Variants in ARAP2 observed in about 807,000 individuals in gnomAD.
The protein encoded by ARAP2 is ArfGAP with RhoGAP domain, ankyrin repeat and PH domain 2.
Under a neutral mutation model 194.5 loss-of-function variants are expected in ARAP2, and 148 were observed. That is an observed-to-expected ratio of 0.76 (90% confidence interval 0.67 to 0.87). ARAP2 has a LOEUF of 0.87. Ranked by LOEUF, ARAP2 falls within the 40% of genes least tolerant of loss-of-function variation. The pLI is 0.00. For missense variants in ARAP2, 2,128 were observed against 1,989.7 expected, an observed-to-expected ratio of 1.07 and a Z score of -1.32; for synonymous variants, 695 against 683.5, an observed-to-expected ratio of 1.02 and a Z score of -0.26.
intron 7 of ARAP2, among the ~76,000 whole-genome samples, chr4:36,188,444 G>C (rs1009579790): frequency 6.6e-6 from 1 of 152,032 alleles, no homozygotes; most frequent in East Asian, 1.9e-4. Flanking sequence ...AAGGCTGTGA[G>C]GTATACCTTT....
In ARAP2 at chr4:36,066,486, ATC is replaced by A. The variant is rs1355447943; in HGVS notation, c.*1419_*1420del. The A allele has an allele frequency of 6.6e-6, 1 of 152,110 alleles. No homozygotes were observed. Among genetic ancestry groups the A allele is most frequent in the East Asian group, 1.9e-4 (1 of 5,198 alleles). The allele number at this position is 152,110 out of a possible 1,614,324, so 9.4% of individuals were successfully genotyped here. The stretch of plus-strand genomic sequence containing the variant: ...ATTTTACAATGAAGAAATTCATAGC[ATC>A]TACCACCACATCACTGTACTATGAT... On this transcript the variant is annotated 3_prime_UTR_variant, in exon 33 of 33. Transcript: ENST00000303965.
chr4:36,034,221 A>G (rs1455539792), intron 5 of ARAP2, among the ~76,000 whole-genome samples: 1 of 152,078 alleles, frequency 6.6e-6, no homozygotes, highest in African/African-American at 2.4e-5. Context: ...TTGAATCATA[A>G]ATTTCTTTGG....
At chr4:36,114,753 C>T (rs1373024202) in intron 25 of ARAP2, among the ~76,000 whole-genome samples, 3 of 151,886 alleles carry the variant, frequency 2.0e-5, no homozygotes, top group Non-Finnish European at 4.4e-5. Flanking sequence ...CTGTGGTGTG[C>T]CCTGCCATGC....
At chr4:36,074,247 T>C (rs1229666971) in intron 31 of ARAP2, among the ~76,000 whole-genome samples, 1 of 152,142 alleles carries the variant, frequency 6.6e-6, no homozygotes, top group East Asian at 1.9e-4. Context: ...ACCTAAGGCA[T>C]GACTATCAGA....
chr4:36,174,936 C>G (rs540871292), intron 9 of ARAP2, among the ~76,000 whole-genome samples: 1 of 152,276 alleles, frequency 6.6e-6, no homozygotes, highest in South Asian at 2.1e-4. Context: ...TCTGTTTACT[C>G]TCTCTGGAGT....
Position 36,221,192 on chromosome 4 carries a change from C to T in ARAP2, c.906-6712G>A, listed in dbSNP as rs556813400. On this transcript the variant is annotated intron_variant, in intron 2 of 32. Transcript: ENST00000303965. ...AAGAGTAGGCTCTACCATATAGCCT[C>T]GGTGTGTAATAGGCTATACCATCTA... Among the ~76,000 whole-genome samples, 9 of 151,978 alleles carry T rather than the reference C, an allele frequency of 5.9e-5. No homozygotes were observed. In the East Asian group the frequency reaches 1.2e-3, roughly 20 times the overall value.
chr4:36,026,139 A>G (rs1305655938), intron 5 of ARAP2, among the ~76,000 whole-genome samples: 1 of 152,200 alleles, frequency 6.6e-6, no homozygotes, highest in Non-Finnish European at 1.5e-5. Flanking sequence ...CAATAAATAC[A>G]TAAATCAAAT....
At chr4:36,244,559 C>T (rs572192865), upstream of ARAP2, 1 of 151,762 alleles carries the variant, frequency 6.6e-6, no homozygotes, top group South Asian at 2.1e-4. Context: ...CGGGGGAAGC[C>T]GGAGCTCAAC....
chr4:36,151,809 G>A (rs1160289990), intron 15 of ARAP2, among the ~76,000 whole-genome samples: 1 of 151,892 alleles, frequency 6.6e-6, no homozygotes, highest in Non-Finnish European at 1.5e-5. Flanking sequence ...ATATGTATGT[G>A]TATTATACAT....
At chr4:36,174,576 T>G (rs1369684430) in intron 9 of ARAP2, among the ~76,000 whole-genome samples, 1 of 152,208 alleles carries the variant, frequency 6.6e-6, no homozygotes, top group African/African-American at 2.4e-5. Flanking sequence ...TGTGTGTTTT[T>G]GGCTCATCCA....
chr4:36,167,169 T>G, intron 9 of ARAP2, 122 bp from the exon 10 acceptor site: 1 of 624,410 alleles, frequency 1.6e-6, no homozygotes, highest in Non-Finnish European at 2.7e-6. Flanking sequence ...AGTCTCACTT[T>G]AGGTAGCCAC....
At chr4:36,119,785 A>G in intron 23 of ARAP2, 67 bp from the exon 24 acceptor site, 1 of 1,110,072 alleles carries the variant, frequency 9.0e-7, no homozygotes, top group Non-Finnish European at 1.3e-6. Context: ...ACTCATCCTC[A>G]TGTAATCTTC....
intron 26 of ARAP2, among the ~76,000 whole-genome samples, chr4:36,110,283 A>G (rs1263073347): frequency 6.6e-6 from 1 of 151,942 alleles, no homozygotes; most frequent in Non-Finnish European, 1.5e-5. Flanking sequence ...CTGTCCACAT[A>G]ATCAGAAGAT....
At chr4:36,127,220 A>C (rs1038363703) in intron 21 of ARAP2, among the ~76,000 whole-genome samples, 1 of 152,074 alleles carries the variant, frequency 6.6e-6, no homozygotes, top group Non-Finnish European at 1.5e-5. Flanking sequence ...AGCTTCATAC[A>C]TTTCAATACA....
chr4:36,060,631 G>A (rs941945889), intron 1 of ARAP2, among the ~76,000 whole-genome samples: 1 of 152,062 alleles, frequency 6.6e-6, no homozygotes, highest in African/African-American at 2.4e-5. Flanking sequence ...ATAACAAAAC[G>A]CCTGGGTGGC....
At chr4:36,022,842 C>T (rs1277108430) in intron 5 of ARAP2, among the ~76,000 whole-genome samples, 1 of 152,134 alleles carries the variant, frequency 6.6e-6, no homozygotes, top group Non-Finnish European at 1.5e-5. Context: ...TATTACATTT[C>T]AAGGTTGTAA....
chr4:36,060,091 T>C (rs1164123672), intron 1 of ARAP2, among the ~76,000 whole-genome samples: 1 of 152,162 alleles, frequency 6.6e-6, no homozygotes, highest in Non-Finnish European at 1.5e-5. Flanking sequence ...AAGGTTGTTG[T>C]TAAGCCAGTC....
chr4:36,059,201 T>C (rs2109270680), intron 1 of ARAP2, among the ~76,000 whole-genome samples: 1 of 152,292 alleles, frequency 6.6e-6, no homozygotes, highest in African/African-American at 2.4e-5. Flanking sequence ...CAACATGACA[T>C]TGATAAAGAC....
chr4:36,196,122 T>C (rs1743049621), intron 6 of ARAP2, among the ~76,000 whole-genome samples: 1 of 152,228 alleles, frequency 6.6e-6, no homozygotes, highest in East Asian at 1.9e-4. Context: ...ATTCAAAGTT[T>C]TGAAACCTGC....
Sources: gnomAD v4.1 joint callset for allele counts (sites outside exome capture counted in the v4.1 genomes callset) on GRCh38, gnomAD v4.1.1 for gene constraint, MANE v1.5 for transcripts, NCBI Gene and HGNC (gene_info 2026-07-23, HGNC 2026-07-21) for gene names.